KRT31: variants seen among roughly 807,000 people sequenced by gnomAD.
The protein encoded by KRT31 is keratin 31.
Under a neutral mutation model 40.8 loss-of-function variants are expected in KRT31, and 27 were observed. The observed-to-expected ratio is 0.66, with a 90% CI of 0.49 to 0.91. The LOEUF (loss-of-function observed/expected upper bound fraction) is 0.91, where lower values mean the gene tolerates loss of function less well. Ranked by LOEUF, KRT31 falls within the 40% of genes least tolerant of loss-of-function variation. The probability of loss-of-function intolerance (pLI) is 0.00; values close to 1 mark genes in which losing one functional copy is unlikely to be tolerated. For synonymous variants in KRT31, 231 were observed against 231.9 expected (o/e 1.00, Z 0.03); for missense variants, 510 against 544.1 (o/e 0.94, Z 0.62).
chr17:41,393,775 A>C lies in KRT31; in HGVS notation c.*241T>G. On this transcript the variant is annotated 3_prime_UTR_variant, in exon 7 of 7. Coordinates refer to ENST00000251645, the MANE Select transcript of KRT31 (RefSeq NM_002277.3). ...GAGGTTAAAAGGGAGGCCCACTGGC[A>C]CATCAGAGAGTTCTCTGGGTGAGCA... 2.0e-6 allele frequency: 1 copy of C among 496,172 alleles called. No individual in the cohort carries two copies. The highest frequency in any genetic ancestry group is 3.5e-6 in the Non-Finnish European group (1 of 285,830). The allele number at this position is 496,172 out of a possible 1,614,324, so 30.7% of individuals were successfully genotyped here. A position where few individuals can be genotyped will look rare whatever the true frequency, so the allele number is the denominator to read the frequency against.
intron 3 of KRT31, among the ~76,000 whole-genome samples, chr17:41,395,978 A>T (rs1193513176): frequency 6.6e-6 from 1 of 152,262 alleles, no homozygotes; most frequent in African/African-American, 2.4e-5. Context: ...CTGTCAAGTA[A>T]GAGGTAAGAG....
At chr17:41,396,641 A>G in intron 2 of KRT31, 65 bp from the exon 3 acceptor site, 1 of 1,553,248 alleles carries the variant, frequency 6.4e-7, no homozygotes, top group Non-Finnish European at 8.8e-7. Context: ...ATGATTTTTG[A>G]TAACCTCATG....
In KRT31 at chr17:41,394,968, G is replaced by C; in HGVS notation, c.977C>G (p.Ala326Gly). The C allele has an allele frequency of 1.9e-6, 3 of 1,614,216 alleles. No individual in the cohort carries two copies. Among genetic ancestry groups the C allele is most frequent in the Non-Finnish European group, 2.5e-6 (3 of 1,180,034 alleles). Residue 326 changes from alanine to glycine, a missense_variant, in exon 6 of 7, where the codon GCG (alanine) becomes GGG (glycine). Transcript: ENST00000251645. The part of the protein sequence containing the change: ...SLITNVESQL[A>G]EIRSDLERQN... ...CCGCTCCAGGTCACTGCGGATCTCC[G>C]CCAGCTGGGACTCCACGTTGGTGAT...
At position 41,397,524 on chromosome 17, in the gene KRT31, A is replaced by T. The variant is rs775476177; in HGVS notation, c.16T>A (p.Cys6Ser). Reference sequence around the variant, plus strand: ...GTGCGGCAGCTCAGGCTGGGCAGGCAGAAGTTGTAGGGCATAGTGCTGGGA... The same window carrying T: ...GTGCGGCAGCTCAGGCTGGGCAGGCTGAAGTTGTAGGGCATAGTGCTGGGA... MPYNF[C>S]LPSLSCRTSC... Residue 6 changes from cysteine (C) to serine (S), a missense_variant, in exon 1 of 7, where the codon TGC (cysteine) becomes AGC (serine). Physicochemically the swap from Cys to Ser is moderately radical, Grantham distance 112. Coordinates refer to ENST00000251645, the MANE Select transcript of KRT31 (RefSeq NM_002277.3). 1 of 1,483,132 alleles carries T rather than the reference A, an allele frequency of 6.7e-7. No homozygotes were observed. Among genetic ancestry groups the T allele is most frequent in the East Asian group, 2.7e-5 (1 of 36,750 alleles). 91.9% of individuals were successfully genotyped at this position (1,483,132 alleles called of 1,614,324 possible). A position where few individuals can be genotyped will look rare whatever the true frequency, so the allele number is the denominator to read the frequency against.
Position 41,397,092 on chromosome 17 carries a change from GC to G in KRT31, c.349-98del. ...AAGCCATTTTGAAATAAAAGAGGAA[GC>G]AAGAATTATGACAGCACAGAAGCAA... is the stretch of plus-strand genomic sequence containing the variant. On this transcript the variant is annotated intron_variant, in intron 1 of 6. Coordinates refer to ENST00000251645, the MANE Select transcript of KRT31 (RefSeq NM_002277.3). The G allele has an allele frequency of 2.5e-6, 4 of 1,576,902 alleles. No homozygotes were observed. The Middle Eastern group carries it at 6.7e-4, about 265-fold the overall frequency.
At position 41,394,924 on chromosome 17, in the gene KRT31, C is replaced by T. The variant is rs146247884; in HGVS notation, c.1021G>A (p.Val341Met). ...AGCCGGGCACGCACATCCAGCAGCACCTGGTACTCCTGGTTCTGCCGCTCC... is the reference window on the plus strand; with the variant it reads ...AGCCGGGCACGCACATCCAGCAGCATCTGGTACTCCTGGTTCTGCCGCTCC... ...DLERQNQEYQVLLDVRARLEC... is the reference protein window; with the variant it reads ...DLERQNQEYQMLLDVRARLEC... Residue 341 changes from valine (V) to methionine (M), a missense_variant, in exon 6 of 7, where the codon GTG becomes ATG. Physicochemically the swap from Val to Met is conservative, Grantham distance 21. Coordinates refer to ENST00000251645, the MANE Select transcript of KRT31 (RefSeq NM_002277.3). 3.7e-6 allele frequency: 6 copies of T among 1,614,244 alleles called. No homozygotes were observed. The African/African-American group carries it at 4.0e-5, about 11-fold the overall frequency.
Position 41,397,267 on chromosome 17 carries a change from C to A in KRT31, c.273G>T (p.Arg91=), listed in dbSNP as rs746379141. The A allele has an allele frequency of 2.5e-6, 4 of 1,614,114 alleles. No homozygotes were observed. The highest frequency in any genetic ancestry group is 1.3e-5 in the African/African-American group (1 of 74,942). ...NAELENLIRE[R]SQQQEPLLCP... ...ACAGCAAGGGCTCCTGCTGCTGAGA[C>A]CGCTCCCGGATGAGGTTCTCCAGCT... Residue 91 remains arginine (R), a synonymous_variant, in exon 1 of 7, where the codon CGG becomes CGT. Coordinates refer to ENST00000251645, the MANE Select transcript of KRT31 (RefSeq NM_002277.3).
At chr17:41,394,435 T>C (rs746888359) in intron 6 of KRT31, among the ~76,000 whole-genome samples, 1 of 152,022 alleles carries the variant, frequency 6.6e-6, no homozygotes, top group South Asian at 2.1e-4. Context: ...ATGGGGTGAG[T>C]CATTTACCTT....
intron 2 of KRT31, among the ~76,000 whole-genome samples, 165 bp from the exon 3 acceptor site, chr17:41,396,741 A>C (rs2018233638): frequency 6.6e-6 from 1 of 152,184 alleles, no homozygotes; most frequent in Non-Finnish European, 1.5e-5. Context: ...ATCCCAAAAC[A>C]AACAGATTGA....
At position 41,394,841 on chromosome 17, in the gene KRT31, T is replaced by A; in HGVS notation, c.1097+7A>T. 1 of 1,614,028 alleles carries A rather than the reference T, an allele frequency of 6.2e-7. No homozygotes were observed. The highest frequency in any genetic ancestry group is 8.5e-7 in the Non-Finnish European group (1 of 1,179,944). On this transcript the variant is annotated splice_region_variant and intron_variant, in intron 6 of 6. Transcript: ENST00000251645. ...ATTTCATCAAACACGTCTGCCCATG[T>A]ACTCACTTGCAGTCCTCGCTCTCCA...
rs761528796 is a variant in KRT31 at position 41,395,366 on chromosome 17, T to A, written c.755A>T (p.Glu252Val). Residue 252 changes from glutamate to valine, a missense_variant, in exon 5 of 7, where the codon GAG becomes GTG. By Grantham distance (121) the Glu-to-Val change is moderately radical. Transcript: ENST00000251645. Reference protein sequence around the residue: ...EVEQWFTTQTEELNKQVVSSS... With the variant: ...EVEQWFTTQTVELNKQVVSSS... Reference sequence around the variant, plus strand: ...GGATACCACCTGCTTGTTCAGCTCCTCGGTCTGAAACACCCAAGGGGAGAA... The same window carrying A: ...GGATACCACCTGCTTGTTCAGCTCCACGGTCTGAAACACCCAAGGGGAGAA... 1.2e-6 allele frequency: 2 copies of A among 1,614,132 alleles called. No individual in the cohort carries two copies. Among genetic ancestry groups the A allele is most frequent in the Non-Finnish European group, 1.7e-6 (2 of 1,180,014 alleles).
In KRT31 at chr17:41,395,049, G is replaced by C. The variant is rs767887288; in HGVS notation, c.896C>G (p.Thr299Arg). Reference sequence around the variant, plus strand: ...GTAGCGGGCCTCACTCTCTGTCAGCGTGTTTTCCAGAGAGTCTCGCTGTGG... The same window carrying C: ...GTAGCGGGCCTCACTCTCTGTCAGCCTGTTTTCCAGAGAGTCTCGCTGTGG... ...QHNLRDSLEN[T>R]LTESEARYSS... The change falls in exon 6 of 7, where the codon ACG becomes AGG. Residue 299 changes from threonine (T) to arginine (R), a missense_variant. Transcript: ENST00000251645. 1 of 1,614,244 alleles carries C rather than the reference G, an allele frequency of 6.2e-7. No individual in the cohort carries two copies. The highest frequency in any genetic ancestry group is 8.5e-7 in the Non-Finnish European group (1 of 1,180,052).
At chr17:41,395,691 T>C in intron 3 of KRT31, 68 bp from the exon 4 acceptor site, 1 of 1,538,398 alleles carries the variant, frequency 6.5e-7, no homozygotes, top group Non-Finnish European at 8.8e-7. Context: ...ATGGCATTGC[T>C]TGTTGAAACC....
chr17:41,394,383 T>C (rs916713065), intron 6 of KRT31, among the ~76,000 whole-genome samples: 3 of 152,158 alleles, frequency 2.0e-5, no homozygotes, highest in African/African-American at 7.2e-5. Flanking sequence ...ACTCTGAAAC[T>C]CTGATGTCTA....
intron 6 of KRT31, 38 bp downstream of exon 6, chr17:41,394,810 T>C (rs1042398514): frequency 1.9e-6 from 3 of 1,611,408 alleles, no homozygotes; most frequent in Non-Finnish European, 2.5e-6. Context: ...CACTCACACG[T>C]GCATCATTTC....
intron 3 of KRT31, among the ~76,000 whole-genome samples, chr17:41,396,201 C>T (rs739683): frequency 0.25 from 38,344 of 152,042 alleles, 4,913 homozygotes; most frequent in East Asian, 0.35. Context: ...GGAGCTGCTC[C>T]GGGCAACTCA....
intron 2 of KRT31, 27 bp from the exon 3 acceptor site, chr17:41,396,603 A>T (rs376941718): frequency 1.0e-4 from 167 of 1,598,238 alleles, no homozygotes; most frequent in Admixed American, 4.9e-4. Flanking sequence ...TCAGAGTACT[A>T]CCTGGTAGAT....
In KRT31 at chr17:41,395,475, C is replaced by A; in HGVS notation, c.737G>T (p.Trp246Leu). 6.2e-7 allele frequency: 1 copy of A among 1,614,174 alleles called. No homozygotes were observed. The highest frequency in any genetic ancestry group is 1.3e-5 in the African/African-American group (1 of 75,060). Residue 246 changes from tryptophan (W) to leucine (L), a missense_variant, in exon 4 of 7, where the codon TGG becomes TTG. Physicochemically the swap from Trp to Leu is moderately conservative, Grantham distance 61 (BLOSUM62 -2). Transcript: ENST00000251645. ...VETNRREVEQ[W>L]FTTQTEELNK... ...TTAGATGCCCACCTGCGTGGTGAAC[C>A]ATTGCTCCACTTCCCTGCGGTTGGT...
chr17:41,395,558 A>G lies in KRT31; in HGVS notation c.654T>C (p.Thr218=), dbSNP rs746508850. Reference sequence around the variant, plus strand: ...CGTTCAGCACCCGATTCAGGTCCACAGTGGGAGCAGCATCCACCTCCACAT... The same window carrying G: ...CGTTCAGCACCCGATTCAGGTCCACGGTGGGAGCAGCATCCACCTCCACAT... ...RLNVEVDAAP[T]VDLNRVLNET... The change falls in exon 4 of 7, where the codon ACT becomes ACC. Residue 218 remains threonine, a synonymous_variant. Transcript: ENST00000251645. 1.9e-6 allele frequency: 3 copies of G among 1,614,194 alleles called. No individual in the cohort carries two copies. The highest frequency in any genetic ancestry group is 3.3e-5 in the Admixed American group (2 of 60,030).
Sources: allele counts gnomAD v4.1 joint callset (sites outside exome capture counted in the v4.1 genomes callset), GRCh38; gene constraint gnomAD v4.1.1; transcripts MANE v1.5; gene names NCBI Gene and HGNC (gene_info 2026-07-23, HGNC 2026-07-21).